GRID2: variants seen among roughly 807,000 people sequenced by gnomAD.
GRID2 encodes the protein glutamate ionotropic receptor delta type subunit 2.
Under a neutral mutation model 114.8 loss-of-function variants are expected in GRID2, and 33 were observed. The observed-to-expected ratio is 0.29, with a 90% confidence interval of 0.22 to 0.38. The LOEUF (loss-of-function observed/expected upper bound fraction) is 0.38, where lower values mean the gene tolerates loss of function less well. GRID2 is among the 10% of genes least tolerant of loss of function. GRID2 has a pLI of 1.00. For synonymous variants in GRID2, 505 were observed against 449.9 expected (o/e 1.12, Z -1.55); for missense variants, 1,184 against 1,257.7 (o/e 0.94, Z 0.89).
At chr4:92,337,088 A>G (rs1180555022) in intron 1 of GRID2, among the ~76,000 whole-genome samples, 1 of 151,180 alleles carries the variant, frequency 6.6e-6, no homozygotes, top group Non-Finnish European at 1.5e-5. Context: ...TCACAAGGTC[A>G]GGGACTGTAT....
At chr4:93,290,131 A>G (rs1392201606) in intron 8 of GRID2, among the ~76,000 whole-genome samples, 1 of 152,170 alleles carries the variant, frequency 6.6e-6, no homozygotes, top group African/African-American at 2.4e-5. Context: ...ATCTGGCAAA[A>G]CTGCCCGGTA....
At chr4:92,792,282 G>T (rs1476215463) in intron 2 of GRID2, among the ~76,000 whole-genome samples, 1 of 151,726 alleles carries the variant, frequency 6.6e-6, no homozygotes, top group Non-Finnish European at 1.5e-5. Flanking sequence ...CACTCATAAG[G>T]TCACGTGAAG....
chr4:92,846,667 T>C (rs1370967048), intron 2 of GRID2, among the ~76,000 whole-genome samples: 1 of 152,092 alleles, frequency 6.6e-6, no homozygotes, highest in Non-Finnish European at 1.5e-5. Context: ...ACTGTCCACC[T>C]CACGTATTCA....
At chr4:93,516,631 A>T (rs982464429) in intron 13 of GRID2, among the ~76,000 whole-genome samples, 1 of 152,014 alleles carries the variant, frequency 6.6e-6, no homozygotes, top group African/African-American at 2.4e-5. Flanking sequence ...GAGTTTCAAC[A>T]TGGTTCTCCC....
intron 1 of GRID2, among the ~76,000 whole-genome samples, chr4:92,584,924 A>G (rs1380247337): frequency 6.6e-6 from 1 of 152,082 alleles, no homozygotes; most frequent in African/African-American, 2.4e-5. Flanking sequence ...GAAGCATGAG[A>G]AGGTTTTCAT....
chr4:92,450,850 ATTTAAATAAATTTAATT>A (rs1341132520), intron 1 of GRID2, among the ~76,000 whole-genome samples: 1 of 148,114 alleles, frequency 6.8e-6, no homozygotes, highest in East Asian at 1.9e-4. Context: ...ATTTTAATAA[ATTTAAATAAATTTAATT>A]TTTAAATAAG....
intron 1 of GRID2, among the ~76,000 whole-genome samples, chr4:92,587,190 C>T (rs1257258967): frequency 6.7e-6 from 1 of 150,158 alleles, no homozygotes; most frequent in Non-Finnish European, 1.5e-5. Context: ...CTGCTTTTCC[C>T]ATGAAGGTTA....
chr4:93,797,625 C>T (rs1734829678), intron 1 of GRID2, among the ~76,000 whole-genome samples: 1 of 151,932 alleles, frequency 6.6e-6, no homozygotes, highest in South Asian at 2.1e-4. Flanking sequence ...AGCATTTTTC[C>T]CTCCTTTCCT....
At chr4:93,514,422 T>TACACACACAC (rs56718347) in intron 12 of GRID2, among the ~76,000 whole-genome samples, 6,206 of 139,636 alleles carry the variant, frequency 0.044, 187 homozygotes, top group African/African-American at 0.084. Flanking sequence ...ACCTCCACAG[T>TACACACACAC]ACACACACAC....
chr4:93,638,257 A>C (rs1312362664), intron 14 of GRID2, among the ~76,000 whole-genome samples: 1 of 147,746 alleles, frequency 6.8e-6, no homozygotes, highest in Non-Finnish European at 1.5e-5. Flanking sequence ...ACATGTTTTT[A>C]TTTTGTATGT....
chr4:93,331,372 A>G (rs1172390545), intron 8 of GRID2, among the ~76,000 whole-genome samples: 1 of 151,792 alleles, frequency 6.6e-6, no homozygotes, highest in Non-Finnish European at 1.5e-5. Context: ...TTGCTCAATT[A>G]TTACATTCTT....
chr4:93,803,961 G>A (rs1415101900), intron 1 of GRID2, among the ~76,000 whole-genome samples: 1 of 152,056 alleles, frequency 6.6e-6, no homozygotes, highest in Non-Finnish European at 1.5e-5. Context: ...GGCGCTTCCT[G>A]GCTGCACAGT....
intron 2 of GRID2, among the ~76,000 whole-genome samples, chr4:92,869,563 T>A (rs1291370241): frequency 6.6e-6 from 1 of 152,174 alleles, no homozygotes; most frequent in Non-Finnish European, 1.5e-5. Context: ...CATTCTTTTT[T>A]AAAATTAATT....
chr4:93,154,909 C>A (rs1737045030), intron 4 of GRID2, among the ~76,000 whole-genome samples: 1 of 151,966 alleles, frequency 6.6e-6, no homozygotes, highest in Non-Finnish European at 1.5e-5. Flanking sequence ...TCATCCAGTT[C>A]ACCTGATATC....
intron 1 of GRID2, among the ~76,000 whole-genome samples, chr4:92,380,293 C>A (rs1729557096): frequency 6.6e-6 from 1 of 150,856 alleles, no homozygotes; most frequent in Non-Finnish European, 1.5e-5. Flanking sequence ...CATTTCTATT[C>A]CAAATGAAAA....
chr4:92,817,493 A>C (rs1242517689), intron 2 of GRID2, among the ~76,000 whole-genome samples: 4 of 152,108 alleles, frequency 2.6e-5, no homozygotes, highest in Admixed American at 1.3e-4. Context: ...GTCTAGCCAT[A>C]TCTCTCATAA....
chr4:93,259,261 GA>G (rs1749974477), intron 8 of GRID2, among the ~76,000 whole-genome samples: 1 of 151,692 alleles, frequency 6.6e-6, no homozygotes, highest in Non-Finnish European at 1.5e-5. Flanking sequence ...ACTGTGAAGG[GA>G]TTTAACTTGT....
At chr4:93,368,037 C>G (rs951513575) in intron 8 of GRID2, among the ~76,000 whole-genome samples, 2 of 151,932 alleles carry the variant, frequency 1.3e-5, no homozygotes, top group African/African-American at 4.8e-5. Context: ...TTTTTTTAAT[C>G]ACAAAATGGA....
At chr4:93,558,593 A>G (rs1018791959) in intron 13 of GRID2, among the ~76,000 whole-genome samples, 1 of 152,190 alleles carries the variant, frequency 6.6e-6, no homozygotes, top group Non-Finnish European at 1.5e-5. Flanking sequence ...GCAGTTATTA[A>G]TGGCCTACCA....
Sources: gnomAD v4.1 joint callset for allele counts (sites outside exome capture counted in the v4.1 genomes callset) on GRCh38, gnomAD v4.1.1 for gene constraint, MANE v1.5 for transcripts, NCBI Gene and HGNC (gene_info 2026-07-23, HGNC 2026-07-21) for gene names.